MBOAT1: variants seen among roughly 807,000 people sequenced by gnomAD.
MBOAT1 encodes membrane bound glycerophospholipid O-acyltransferase 1.
Under a neutral mutation model 64.4 loss-of-function variants are expected in MBOAT1, and 67 were observed. The ratio of observed to expected loss-of-function variants is 1.04; its 90% CI spans 0.85 to 1.27. The LOEUF (loss-of-function observed/expected upper bound fraction) is 1.27, where lower values mean the gene tolerates loss of function less well. Ranked by LOEUF, MBOAT1 falls within the 50% of genes most tolerant of loss-of-function variation. MBOAT1 has a pLI of 0.00. For missense variants in MBOAT1, 563 were observed against 604.6 expected, an observed-to-expected ratio of 0.93 and a Z score of 0.72; for synonymous variants, 229 against 218.9, an observed-to-expected ratio of 1.05 and a Z score of -0.41.
At chr6:20,151,716 G>A (rs1761498204) in intron 2 of MBOAT1, among the ~76,000 whole-genome samples, 1 of 152,128 alleles carries the variant, frequency 6.6e-6, no homozygotes, top group Non-Finnish European at 1.5e-5. Context: ...AATTCCTGAA[G>A]GTGTACTTCT....
chr6:20,133,880 T>A (rs527386557), intron 4 of MBOAT1, among the ~76,000 whole-genome samples: 44 of 152,246 alleles, frequency 2.9e-4, no homozygotes, highest in Non-Finnish European at 4.4e-5. Flanking sequence ...CTGGCCCCAT[T>A]GCTGCGATTT....
intron 9 of MBOAT1, among the ~76,000 whole-genome samples, chr6:20,116,510 A>AGGAGGAAGGGAGAGAAAAGTG (rs1225640121): frequency 8.5e-5 from 13 of 152,170 alleles, no homozygotes; most frequent in African/African-American, 2.9e-4. Context: ...GACAGAAGGA[A>AGGAGGAAGGGAGAGAAAAGTG]GGAGGAAGGG....
chr6:20,151,066 A>T, intron 3 of MBOAT1, 119 bp downstream of exon 3: 1 of 665,016 alleles, frequency 1.5e-6, no homozygotes, highest in Non-Finnish European at 2.6e-6. Flanking sequence ...TATTCTAGAT[A>T]AACTAAGATA....
chr6:20,212,252 T>TGGC lies in MBOAT1; in HGVS notation c.-21_-19dup, dbSNP rs1203400286. On this transcript the variant is annotated 5_prime_UTR_variant, in exon 1 of 13. Transcript: ENST00000324607. ...GCTGCCATCCTGCATCTTCGGGAGG[T>TGGC]GGCTGCCCCTGTCCCAGCCCGCAAC... is the stretch of plus-strand genomic sequence containing the variant. 6.2e-7 allele frequency: 1 copy of TGGC among 1,604,442 alleles called. No individual in the cohort carries two copies. Among genetic ancestry groups the TGGC allele is most frequent in the South Asian group, 1.1e-5 (1 of 89,730 alleles).
At position 20,212,279 on chromosome 6, in the gene MBOAT1, C is replaced by A. The variant is rs771085202; in HGVS notation, c.-45G>T. ...GCTGCCCCTGTCCCAGCCCGCAACA[C>A]CCCCTGCTCGGCGTCCTCCCGCCCG... On this transcript the variant is annotated 5_prime_UTR_variant, in exon 1 of 13. Coordinates refer to ENST00000324607, the MANE Select transcript of MBOAT1 (RefSeq NM_001080480.3). 1.3e-6 allele frequency: 2 copies of A among 1,558,558 alleles called. No individual in the cohort carries two copies. Among genetic ancestry groups the A allele is most frequent in the Non-Finnish European group, 8.7e-7 (1 of 1,144,882 alleles).
rs147208252 is a variant in MBOAT1 at position 20,123,018 on chromosome 6, C to T, written c.907+1390G>A. ...TAATTTTTTGTATTTTTAGTAGAGA[C>T]GGGGTTTTGCCATGTTGGGCAGGCT... On this transcript the variant is annotated intron_variant, in intron 8 of 12. Transcript: ENST00000324607. Among the ~76,000 whole-genome samples, 795 of 151,862 alleles carry T rather than the reference C, an allele frequency of 5.2e-3. 16 individuals carry two copies. The highest frequency in any genetic ancestry group is 0.04 in the South Asian group (192 of 4,798).
chr6:20,169,130 C>T (rs1762120149), intron 1 of MBOAT1, among the ~76,000 whole-genome samples: 1 of 152,088 alleles, frequency 6.6e-6, no homozygotes, highest in Admixed American at 6.5e-5. Flanking sequence ...CATATACGCT[C>T]TCCTGTATAC....
At chr6:20,190,458 C>T (rs750146079) in intron 1 of MBOAT1, among the ~76,000 whole-genome samples, 45 of 152,194 alleles carry the variant, frequency 3.0e-4, no homozygotes, top group Non-Finnish European at 6.0e-4. Context: ...TTCAGAACTA[C>T]ATAGATAGGA....
chr6:20,156,967 G>T (rs924621901), intron 1 of MBOAT1, among the ~76,000 whole-genome samples: 3 of 152,048 alleles, frequency 2.0e-5, no homozygotes, highest in African/African-American at 7.2e-5. Flanking sequence ...TTTTACAATA[G>T]AAAAGTATGC....
chr6:20,165,097 A>G lies in MBOAT1; in HGVS notation c.100-12328T>C, dbSNP rs569052026. On this transcript the variant is annotated intron_variant, in intron 1 of 12. Transcript: ENST00000324607. ...AGTGGGTTTTTTAGGATGTAACTCC[A>G]TCGTCAGTTGAGGAGCATCTGTAAT... 7.9e-5 allele frequency among the ~76,000 whole-genome samples: 12 copies of G among 152,300 alleles called. No individual in the cohort carries two copies. In the East Asian group the frequency reaches 2.3e-3, roughly 29 times the overall value.
chr6:20,196,282 A>G (rs1487278975), intron 1 of MBOAT1, among the ~76,000 whole-genome samples: 4 of 152,236 alleles, frequency 2.6e-5, no homozygotes, highest in Non-Finnish European at 5.9e-5. Context: ...ATAATGCACA[A>G]CAGAACATAA....
chr6:20,106,058 G>C (rs1366646896), intron 12 of MBOAT1, among the ~76,000 whole-genome samples: 1 of 152,182 alleles, frequency 6.6e-6, no homozygotes, highest in African/African-American at 2.4e-5. Context: ...AAGCAATGAG[G>C]ATCTACTGAG....
intron 1 of MBOAT1, among the ~76,000 whole-genome samples, chr6:20,203,807 A>C (rs1763186706): frequency 6.6e-6 from 1 of 152,112 alleles, no homozygotes; most frequent in African/African-American, 2.4e-5. Context: ...GTTTAAAAAA[A>C]AAAAAAAAAT....
intron 4 of MBOAT1, among the ~76,000 whole-genome samples, chr6:20,143,189 A>G (rs903795931): frequency 6.6e-6 from 1 of 152,216 alleles, no homozygotes; most frequent in Admixed American, 6.5e-5. Context: ...CAGATCACGC[A>G]TCACCAGGAA....
intron 1 of MBOAT1, among the ~76,000 whole-genome samples, chr6:20,199,226 C>A (rs1763051577): frequency 6.6e-6 from 1 of 152,176 alleles, no homozygotes; most frequent in Non-Finnish European, 1.5e-5. Flanking sequence ...AGTTAAACTT[C>A]TTTAAATTTA....
chr6:20,167,462 G>A (rs1762046832), intron 1 of MBOAT1, among the ~76,000 whole-genome samples: 1 of 152,172 alleles, frequency 6.6e-6, no homozygotes, highest in Non-Finnish European at 1.5e-5. Flanking sequence ...TGGAGAACTG[G>A]TAGTGCATTA....
chr6:20,199,394 C>T (rs765957987), intron 1 of MBOAT1, among the ~76,000 whole-genome samples: 206 of 152,250 alleles, frequency 1.4e-3, no homozygotes, highest in Non-Finnish European at 2.3e-3. Flanking sequence ...ACTCTAAATA[C>T]ATCTGTAGAA....
chr6:20,174,727 C>T (rs1762292639), intron 1 of MBOAT1, among the ~76,000 whole-genome samples: 1 of 152,122 alleles, frequency 6.6e-6, no homozygotes, highest in Admixed American at 6.5e-5. Flanking sequence ...CCTTATGGGA[C>T]AACTATAGAA....
chr6:20,157,131 A>G (rs1047444460), intron 1 of MBOAT1, among the ~76,000 whole-genome samples: 3 of 152,168 alleles, frequency 2.0e-5, no homozygotes, highest in African/African-American at 7.2e-5. Context: ...AAAAAAATAA[A>G]AAATAAAAAA....
Sources: gnomAD v4.1 joint callset for allele counts (sites outside exome capture counted in the v4.1 genomes callset) on GRCh38, gnomAD v4.1.1 for gene constraint, MANE v1.5 for transcripts, NCBI Gene and HGNC (gene_info 2026-07-23, HGNC 2026-07-21) for gene names.